Variants in WHRN observed in about 807,000 individuals in gnomAD.
WHRN encodes whirlin.
WHRN carries 41 observed loss-of-function variants against 68.3 expected under a neutral mutation model. The observed-to-expected ratio is 0.60, with a 90% CI of 0.47 to 0.78. The LOEUF (loss-of-function observed/expected upper bound fraction) is 0.78. Ranked by LOEUF, WHRN falls within the 30% of genes least tolerant of loss-of-function variation. The pLI is 0.00. For synonymous variants in WHRN, 560 were observed against 561.3 expected (o/e 1.00, Z 0.03); for missense variants, 1,243 against 1,244.7 (o/e 1.00, Z 0.02).
chr9:114,442,093 G>A (rs935544538), intron 3 of WHRN, among the ~76,000 whole-genome samples: 1 of 152,178 alleles, frequency 6.6e-6, no homozygotes, highest in African/African-American at 2.4e-5. Flanking sequence ...ACAAAATAAT[G>A]AGCCAGAATG....
intron 3 of WHRN, among the ~76,000 whole-genome samples, chr9:114,463,580 C>T (rs895601407): frequency 1.3e-5 from 2 of 152,118 alleles, no homozygotes; most frequent in Non-Finnish European, 2.9e-5. Context: ...GTTAGTTTCT[C>T]GGTCTTGACA....
intron 2 of WHRN, among the ~76,000 whole-genome samples, chr9:114,474,936 G>T (rs1841528215): frequency 1.3e-5 from 2 of 152,122 alleles, no homozygotes; most frequent in Non-Finnish European, 2.9e-5. Context: ...AGTGAAGACA[G>T]ATCAGGAAAA....
intron 3 of WHRN, among the ~76,000 whole-genome samples, chr9:114,438,645 G>T (rs530326305): frequency 9.2e-4 from 140 of 151,854 alleles, no homozygotes; most frequent in Non-Finnish European, 1.9e-3. Context: ...GTAGAGATGG[G>T]GTTTCACCTG....
intron 7 of WHRN, among the ~76,000 whole-genome samples, chr9:114,420,960 A>G (rs1460876404): frequency 6.6e-6 from 1 of 151,460 alleles, no homozygotes; most frequent in African/African-American, 2.4e-5. Context: ...TGCTTGCACA[A>G]TTTTCTCTTA....
At chr9:114,442,310 T>G (rs1445818354) in intron 3 of WHRN, among the ~76,000 whole-genome samples, 1 of 152,192 alleles carries the variant, frequency 6.6e-6, no homozygotes, top group Non-Finnish European at 1.5e-5. Context: ...ATTGTACTGA[T>G]GCTAAATGTC....
chr9:114,420,958 C>T (rs1836232745), intron 7 of WHRN, among the ~76,000 whole-genome samples: 2 of 151,966 alleles, frequency 1.3e-5, no homozygotes, highest in Admixed American at 1.3e-4. Context: ...CCTGCTTGCA[C>T]AATTTTCTCT....
intron 3 of WHRN, among the ~76,000 whole-genome samples, chr9:114,452,330 G>A (rs560994571): frequency 3.9e-5 from 6 of 152,162 alleles, no homozygotes; most frequent in Non-Finnish European, 7.4e-5. Context: ...GCAGAGAACC[G>A]GGCAGAAGTG....
chr9:114,492,138 G>C (rs544630683), intron 1 of WHRN, among the ~76,000 whole-genome samples: 1 of 152,246 alleles, frequency 6.6e-6, no homozygotes, highest in South Asian at 2.1e-4. Context: ...GGCATGGCTG[G>C]AGAAAAATGA....
intron 1 of WHRN, among the ~76,000 whole-genome samples, chr9:114,485,892 C>G (rs1263948866): frequency 6.6e-6 from 1 of 151,370 alleles, no homozygotes; most frequent in Non-Finnish European, 1.5e-5. Context: ...TGTGCACCTG[C>G]AGTCCTAGCT....
At chr9:114,504,115 G>A (rs1844174787) in intron 1 of WHRN, 69 bp downstream of exon 1, 1 of 1,608,276 alleles carries the variant, frequency 6.2e-7, no homozygotes, top group Non-Finnish European at 8.5e-7. Flanking sequence ...ACACAGCATG[G>A]AGTTACTGAA....
rs539888867 is a variant in WHRN at position 114,440,058 on chromosome 9, A to G, written c.964-13645T>C. 2.0e-5 allele frequency among the ~76,000 whole-genome samples: 3 copies of G among 152,308 alleles called. No individual in the cohort carries two copies. The South Asian group carries it at 6.2e-4, about 32-fold the overall frequency. On this transcript the variant is annotated intron_variant, in intron 3 of 11. Coordinates refer to ENST00000362057, the MANE Select transcript of WHRN (RefSeq NM_015404.4). Reference sequence around the variant, plus strand: ...CTCCCAGCCAGCTGGGATTACAGGCATGCGCCAACATGCCTAGCTAATTTT... The same window carrying G: ...CTCCCAGCCAGCTGGGATTACAGGCGTGCGCCAACATGCCTAGCTAATTTT...
intron 2 of WHRN, among the ~76,000 whole-genome samples, chr9:114,471,474 C>T (rs537782782): frequency 2.2e-4 from 33 of 152,286 alleles, no homozygotes; most frequent in South Asian, 1.2e-3. Flanking sequence ...TGCCTCTCAC[C>T]GGCCTGAGTT....
intron 3 of WHRN, among the ~76,000 whole-genome samples, chr9:114,433,256 G>A (rs941943875): frequency 6.6e-6 from 1 of 152,196 alleles, no homozygotes; most frequent in Non-Finnish European, 1.5e-5. Context: ...AACCTGTGGC[G>A]GAATGGCAGT....
rs182228463 is a variant in WHRN, at chr9:114,456,302, G to A, written c.963+9965C>T. On this transcript the variant is annotated intron_variant, in intron 3 of 11. Transcript: ENST00000362057. ...AACTCAACCAGGATGTGTATGGGAG[G>A]GGGCACGTGTCGGGCACAGGGAGGA... 6.9e-4 allele frequency among the ~76,000 whole-genome samples: 105 copies of A among 152,262 alleles called. 1 individual carries two copies. Among genetic ancestry groups the A allele is most frequent in the Admixed American group, 2.6e-3 (39 of 15,292 alleles).
intron 1 of WHRN, chr9:114,502,971 G>A: frequency 9.8e-6 from 2 of 204,248 alleles, no homozygotes; most frequent in Non-Finnish European, 1.7e-5. Context: ...AGTATAAACC[G>A]ATCGGCCTTT....
At chr9:114,418,495 C>A (rs529036323) in intron 7 of WHRN, among the ~76,000 whole-genome samples, 4 of 152,230 alleles carry the variant, frequency 2.6e-5, no homozygotes, top group Admixed American at 2.6e-4. Context: ...CCCACTCTTA[C>A]CTATTCTCAA....
chr9:114,498,366 G>T (rs2133395945), intron 1 of WHRN, among the ~76,000 whole-genome samples: 1 of 152,270 alleles, frequency 6.6e-6, no homozygotes, highest in East Asian at 1.9e-4. Context: ...CTTCAGAGAG[G>T]GTGGCAGGGA....
rs776704064 is a variant in WHRN at position 114,403,915 on chromosome 9, G to A, written c.2399C>T (p.Thr800Ile). Residue 800 changes from threonine to isoleucine, a missense_variant, in exon 10 of 12, where the codon ACA (threonine) becomes ATA (isoleucine). Physicochemically the swap from Thr to Ile is moderately conservative, Grantham distance 89. Transcript: ENST00000362057. ...GCTCACCGGTTTGTTGGCCCCATCTGTGGGCCTCTCGTTCCGAGGCAGCTC... is the reference window on the plus strand; with the variant it reads ...GCTCACCGGTTTGTTGGCCCCATCTATGGGCCTCTCGTTCCGAGGCAGCTC... The part of the protein sequence containing the change: ...SKELPRNERP[T>I]DGANKPPGLL... 5.6e-6 allele frequency: 9 copies of A among 1,611,032 alleles called. No individual in the cohort carries two copies. The highest frequency in any genetic ancestry group is 6.8e-6 in the Non-Finnish European group (8 of 1,180,030).
chr9:114,440,805 C>G (rs192691632), intron 3 of WHRN, among the ~76,000 whole-genome samples: 1 of 152,176 alleles, frequency 6.6e-6, no homozygotes, highest in Non-Finnish European at 1.5e-5. Context: ...TCTGTCTCTA[C>G]AGTAAATTGC....
Sources: allele counts gnomAD v4.1 joint callset (sites outside exome capture counted in the v4.1 genomes callset), GRCh38; gene constraint gnomAD v4.1.1; transcripts MANE v1.5; gene names NCBI Gene and HGNC (gene_info 2026-07-23, HGNC 2026-07-21).